The following ZNF555 variants were observed in gnomAD, a reference collection of about 807,000 sequenced individuals.
ZNF555 encodes zinc finger protein 555.
In ZNF555, 10 loss-of-function variants were observed where a neutral mutation model predicts 14.0. The observed-to-expected ratio is 0.72, with a 90% CI of 0.44 to 1.21. ZNF555 has a LOEUF of 1.21. Among genes scored for constraint, ZNF555 ranks in the 50% most tolerant of loss-of-function variants. ZNF555 has a pLI of 0.00. For missense variants in ZNF555, 747 were observed against 762.0 expected, an observed-to-expected ratio of 0.98 and a Z score of 0.23; for synonymous variants, 277 against 262.4, an observed-to-expected ratio of 1.06 and a Z score of -0.54.
rs544327822 is a variant in ZNF555, at chr19:2,853,722, A to G, written c.1657A>G (p.Ile553Val). The change falls in exon 4 of 4, where the codon ATA becomes GTA. Residue 553 changes from isoleucine (I) to valine (V), a missense_variant. Ile to Val is a conservative substitution (Grantham distance 29, BLOSUM62 3). Coordinates refer to ENST00000334241, the MANE Select transcript of ZNF555 (RefSeq NM_152791.5). ...KVFKWPSSLP[I>V]HMRLHTGEKP... Reference sequence around the variant, plus strand: ...CTTCAAATGGCCATCATCTTTACCAATACATATGAGACTGCACACTGGAGA... The same window carrying G: ...CTTCAAATGGCCATCATCTTTACCAGTACATATGAGACTGCACACTGGAGA... 3.2e-6 allele frequency: 5 copies of G among 1,586,350 alleles called. No homozygotes were observed. The South Asian group carries it at 5.9e-5, about 19-fold the overall frequency.
In ZNF555 at chr19:2,852,970, A is replaced by G. The variant is rs1435543664; in HGVS notation, c.905A>G (p.His302Arg). 1.9e-6 allele frequency: 3 copies of G among 1,614,252 alleles called. No homozygotes were observed. The highest frequency in any genetic ancestry group is 1.7e-5 in the Admixed American group (1 of 60,026). Reference protein sequence around the residue: ...AFSYSSTFRRHMISHTGEKPH... With the variant: ...AFSYSSTFRRRMISHTGEKPH... The stretch of plus-strand genomic sequence containing the variant: ...AGTTATTCCTCAACTTTTCGAAGAC[A>G]TATGATTTCACACACTGGAGAGAAG... Residue 302 changes from histidine to arginine, a missense_variant, in exon 4 of 4, where the codon CAT becomes CGT. Coordinates refer to ENST00000334241, the MANE Select transcript of ZNF555 (RefSeq NM_152791.5).
At position 2,854,486 on chromosome 19, in the gene ZNF555, T is replaced by A. The variant is rs2087667247; in HGVS notation, c.*534T>A. On this transcript the variant is annotated 3_prime_UTR_variant, in exon 4 of 4. Coordinates refer to ENST00000334241, the MANE Select transcript of ZNF555 (RefSeq NM_152791.5). ...AGTTGCAGATAGTTCTTCTGCATTG[T>A]TGTCAGTGTGGGTAGTGTTAGGAAC... The A allele has an allele frequency of 6.4e-6, 1 of 157,450 alleles. No individual in the cohort carries two copies. Among genetic ancestry groups the A allele is most frequent in the African/African-American group, 2.4e-5 (1 of 41,474 alleles). The allele number at this position is 157,450 out of a possible 1,614,324, so 9.8% of individuals were successfully genotyped here.
Position 2,853,944 on chromosome 19 carries a change from C to G in ZNF555, c.1879C>G (p.Pro627Ala), listed in dbSNP as rs767340324. The G allele has an allele frequency of 3.7e-6, 6 of 1,613,358 alleles. No individual in the cohort carries two copies. The East Asian group carries it at 1.1e-4, about 30-fold the overall frequency. The change falls in exon 4 of 4, where the codon CCT becomes GCT. Residue 627 changes from proline (P) to alanine (A), a missense_variant. Pro to Ala is a conservative substitution (Grantham distance 27). Coordinates refer to ENST00000334241, the MANE Select transcript of ZNF555 (RefSeq NM_152791.5). Reference protein sequence around the residue: ...DLIKVVNMVLPL With the variant: ...DLIKVVNMVLAL ...GATCAAAGTTGTAAATATGGTGTTG[C>G]CTTTATGAGTTCCTTATCCTGAAAG...
At chr19:2,841,902 G>A (rs2087540131) in intron 1 of ZNF555, among the ~76,000 whole-genome samples, 1 of 151,660 alleles carries the variant, frequency 6.6e-6, no homozygotes, top group Non-Finnish European at 1.5e-5. Context: ...CCGGGGCCGC[G>A]ACGCCTCGGA....
chr19:2,846,931 C>T (rs1175123441), intron 1 of ZNF555, among the ~76,000 whole-genome samples: 1 of 152,210 alleles, frequency 6.6e-6, no homozygotes, highest in Admixed American at 6.5e-5. Context: ...TGTATCTCCA[C>T]TTAGAGATTG....
At chr19:2,844,004 G>A (rs1396633295) in intron 1 of ZNF555, among the ~76,000 whole-genome samples, 2 of 151,968 alleles carry the variant, frequency 1.3e-5, no homozygotes, top group Non-Finnish European at 2.9e-5. Flanking sequence ...AAGTAGCTGG[G>A]ACTGTAGGCA....
intron 1 of ZNF555, among the ~76,000 whole-genome samples, chr19:2,845,979 T>C (rs2087579094): frequency 6.6e-6 from 1 of 152,060 alleles, no homozygotes; most frequent in African/African-American, 2.4e-5. Flanking sequence ...GGAAGCACAT[T>C]GTTTGCAATG....
chr19:2,850,097 T>A (rs1421436784), intron 1 of ZNF555, among the ~76,000 whole-genome samples: 1 of 152,222 alleles, frequency 6.6e-6, no homozygotes, highest in Non-Finnish European at 1.5e-5. Flanking sequence ...CAGGAGTTCT[T>A]TAAGACGCTA....
chr19:2,848,541 C>CG (rs2087601935), intron 1 of ZNF555, among the ~76,000 whole-genome samples: 1 of 152,028 alleles, frequency 6.6e-6, no homozygotes, highest in Admixed American at 6.6e-5. Context: ...CTCCACCTCC[C>CG]GGGTTCAAGC....
rs1027914163 is a variant in ZNF555, at chr19:2,853,629, C to G, written c.1564C>G (p.Leu522Val). 6.2e-7 allele frequency: 1 copy of G among 1,604,196 alleles called. No homozygotes were observed. Among genetic ancestry groups the G allele is most frequent in the Non-Finnish European group, 8.5e-7 (1 of 1,175,126 alleles). Residue 522 changes from leucine to valine, a missense_variant, in exon 4 of 4, where the codon CTT (leucine) becomes GTT (valine). Physicochemically the swap from Leu to Val is conservative, Grantham distance 32. Transcript: ENST00000334241. Reference sequence around the variant, plus strand: ...TGGGAAAGCTTTCAGTTGGCCTGAACTTTTGCAACAACATGTGAGAACGCA... The same window carrying G: ...TGGGAAAGCTTTCAGTTGGCCTGAAGTTTTGCAACAACATGTGAGAACGCA... ...QCGKAFSWPE[L>V]LQQHVRTHTV...
intron 1 of ZNF555, among the ~76,000 whole-genome samples, chr19:2,848,499 A>G (rs555212084): frequency 6.6e-6 from 1 of 151,206 alleles, no homozygotes; most frequent in Admixed American, 6.6e-5. Flanking sequence ...CTCAGGCTGT[A>G]GTGCAGTGGC....
intron 1 of ZNF555, among the ~76,000 whole-genome samples, chr19:2,844,463 T>C (rs572796211): frequency 5.3e-5 from 8 of 152,288 alleles, no homozygotes; most frequent in African/African-American, 1.7e-4. Flanking sequence ...GGTCTCGAAC[T>C]CCTGACCTCA....
chr19:2,843,825 G>A (rs1330902479), intron 1 of ZNF555, among the ~76,000 whole-genome samples: 4 of 152,074 alleles, frequency 2.6e-5, no homozygotes, highest in African/African-American at 4.8e-5. Context: ...AGATTTCCCC[G>A]AACACAGGGG....
intron 1 of ZNF555, among the ~76,000 whole-genome samples, chr19:2,842,477 C>T (rs2087546013): frequency 6.6e-6 from 1 of 152,194 alleles, no homozygotes. Flanking sequence ...CAACTGACTG[C>T]AAACGAGGGG....
intron 1 of ZNF555, among the ~76,000 whole-genome samples, chr19:2,846,091 G>A (rs2087580010): frequency 6.6e-6 from 1 of 152,342 alleles, no homozygotes; most frequent in Admixed American, 6.5e-5. Flanking sequence ...AGGGTTCTCA[G>A]TGTAGACCGA....
At position 2,842,769 on chromosome 19, in the gene ZNF555, G is replaced by A. The variant is rs139978755; in HGVS notation, c.3+1194G>A. On this transcript the variant is annotated intron_variant, in intron 1 of 3. Transcript: ENST00000334241. ...AAGATAAAATATTTCCAGGCCGGGC[G>A]CGGTGGCTCAAGCCTGTCATCCCAG... is the stretch of plus-strand genomic sequence containing the variant. Among the ~76,000 whole-genome samples, 6 of 152,282 alleles carry A rather than the reference G, an allele frequency of 3.9e-5. No homozygotes were observed. The East Asian group carries it at 9.6e-4, about 24-fold the overall frequency.
intron 1 of ZNF555, among the ~76,000 whole-genome samples, chr19:2,844,664 C>T (rs2087567810): frequency 1.3e-5 from 2 of 152,236 alleles, no homozygotes; most frequent in African/African-American, 2.4e-5. Flanking sequence ...ACAGTTTCAG[C>T]ACAATAAGCA....
Position 2,854,302 on chromosome 19 carries a change from A to G in ZNF555, c.*350A>G, listed in dbSNP as rs2087665915. The G allele has an allele frequency of 4.4e-5, 10 of 225,636 alleles. 1 individual carries two copies. In the South Asian group the frequency reaches 6.6e-4, roughly 15 times the overall value. 14.0% of individuals were successfully genotyped at this position (225,636 alleles called of 1,614,324 possible). A position where few individuals can be genotyped will look rare whatever the true frequency, so the allele number is the denominator to read the frequency against. Reference sequence around the variant, plus strand: ...CAGAGGAGCCTTATTCCATTTTTTAAGAAGTAGTTGGCAGAATTTTGTAAT... The same window carrying G: ...CAGAGGAGCCTTATTCCATTTTTTAGGAAGTAGTTGGCAGAATTTTGTAAT... On this transcript the variant is annotated 3_prime_UTR_variant, in exon 4 of 4. Coordinates refer to ENST00000334241, the MANE Select transcript of ZNF555 (RefSeq NM_152791.5).
Position 2,853,222 on chromosome 19 carries a change from A to G in ZNF555, c.1157A>G (p.His386Arg), listed in dbSNP as rs1035653440. The G allele has an allele frequency of 3.1e-6, 5 of 1,614,086 alleles. No individual in the cohort carries two copies. The highest frequency in any genetic ancestry group is 2.7e-5 in the African/African-American group (2 of 74,934). ...ATTTATCCCCAGTCCTTTCGAAGAC[A>G]TGAAAGGACTCATGGTGGAGAGAAA... Reference protein sequence around the residue: ...TFIYPQSFRRHERTHGGEKPY... With the variant: ...TFIYPQSFRRRERTHGGEKPY... Residue 386 changes from histidine to arginine, a missense_variant, in exon 4 of 4, where the codon CAT (histidine) becomes CGT (arginine). His to Arg is a conservative substitution (Grantham distance 29). Transcript: ENST00000334241.
Sources: allele counts gnomAD v4.1 joint callset (sites outside exome capture counted in the v4.1 genomes callset), GRCh38; gene constraint gnomAD v4.1.1; transcripts MANE v1.5; gene names NCBI Gene and HGNC (gene_info 2026-07-23, HGNC 2026-07-21).